The following ALPL variants were observed in gnomAD, a reference collection of about 807,000 sequenced individuals.
ALPL encodes the protein alkaline phosphatase, biomineralization associated.
A neutral mutation model predicts 51.3 loss-of-function variants in ALPL; 42 were observed. That is an observed-to-expected ratio of 0.82 (90% CI 0.64 to 1.06). The LOEUF (loss-of-function observed/expected upper bound fraction) is 1.06, where lower values mean the gene tolerates loss of function less well. Among genes scored for constraint, ALPL ranks in the 50% least tolerant of loss-of-function variants. The pLI, the probability that ALPL is intolerant of heterozygous loss-of-function variation, is 0.00. For missense variants in ALPL, 589 were observed against 709.4 expected (o/e 0.83, Z 1.93); for synonymous variants, 279 against 296.4 (o/e 0.94, Z 0.60).
At chr1:21,518,115 G>A (rs539088285) in intron 1 of ALPL, among the ~76,000 whole-genome samples, 5 of 152,130 alleles carry the variant, frequency 3.3e-5, no homozygotes, top group Non-Finnish European at 5.9e-5. Flanking sequence ...TGTGGGGTAG[G>A]AACCTTTTAT....
At chr1:21,527,413 T>C (rs992739895) in intron 1 of ALPL, among the ~76,000 whole-genome samples, 25 of 152,218 alleles carry the variant, frequency 1.6e-4, no homozygotes, top group Admixed American at 1.6e-3. Context: ...TCAGATATCT[T>C]GAATACAATC....
At chr1:21,549,758 T>G (rs1169827841) in intron 1 of ALPL, among the ~76,000 whole-genome samples, 1 of 152,184 alleles carries the variant, frequency 6.6e-6, no homozygotes, top group Non-Finnish European at 1.5e-5. Context: ...CCATCGCACT[T>G]GGCTCGGTAG....
intron 6 of ALPL, 133 bp from the exon 7 acceptor site, chr1:21,567,971 G>T (rs1370650411): frequency 2.5e-6 from 3 of 1,218,562 alleles, no homozygotes; most frequent in Admixed American, 1.8e-5. Flanking sequence ...GATGACTGAG[G>T]CCTGGCTCAC....
chr1:21,526,051 C>T (rs1643937219), intron 1 of ALPL, among the ~76,000 whole-genome samples: 1 of 152,116 alleles, frequency 6.6e-6, no homozygotes, highest in South Asian at 2.1e-4. Flanking sequence ...CCCACAGAGC[C>T]CTAGGTGGTA....
chr1:21,509,119 C>A (rs1643626332), upstream of ALPL, among the ~76,000 whole-genome samples: 1 of 152,036 alleles, frequency 6.6e-6, no homozygotes, highest in Non-Finnish European at 1.5e-5. The surrounding 1 kb of genome is among the most constrained non-coding windows in gnomAD (Gnocchi z 6.0). Flanking sequence ...CAGGTCAGAG[C>A]CCAGGCTCGC....
chr1:21,541,140 G>T (rs1644178694), intron 1 of ALPL, among the ~76,000 whole-genome samples: 1 of 152,090 alleles, frequency 6.6e-6, no homozygotes, highest in Non-Finnish European at 1.5e-5. Context: ...GCGGGGAAGG[G>T]TCCATCCGTT....
At chr1:21,531,339 C>G (rs1369795078) in intron 1 of ALPL, among the ~76,000 whole-genome samples, 2 of 152,228 alleles carry the variant, frequency 1.3e-5, no homozygotes, top group African/African-American at 4.8e-5. Flanking sequence ...AGCGAGCCTC[C>G]TGCCTTGGCT....
chr1:21,551,143 A>C (rs1467162504), intron 1 of ALPL: 3 of 152,158 alleles, frequency 2.0e-5, no homozygotes, highest in Non-Finnish European at 4.4e-5. Context: ...TCCTGCACAC[A>C]CAGAGAAGAT....
intron 1 of ALPL, among the ~76,000 whole-genome samples, chr1:21,550,724 C>T (rs1644310153): frequency 6.6e-6 from 1 of 152,184 alleles, no homozygotes; most frequent in African/African-American, 2.4e-5. Flanking sequence ...GTGGAGCCTC[C>T]GTTCTGTCTC....
rs1161988233 is a variant in ALPL at position 21,509,542 on chromosome 1, C to G, written c.-105+25C>G. 2 of 152,230 alleles carry G rather than the reference C, an allele frequency of 1.3e-5. No homozygotes were observed. Among genetic ancestry groups the G allele is most frequent in the African/African-American group, 2.4e-5 (1 of 41,448 alleles). The allele number at this position is 152,230 out of a possible 1,614,324, so 9.4% of individuals were successfully genotyped here. The stretch of plus-strand genomic sequence containing the variant: ...GGTAAGGATTCGACGCTGCCCCGCG[C>G]CCTGGTTCCCCAGGGCCCCAGCGGA... On this transcript the variant is annotated intron_variant, in intron 1 of 11. Transcript: ENST00000374840. This position sits in a 1 kb window ranked among gnomAD's most constrained non-coding sequence, Gnocchi z 6.0.
In ALPL at chr1:21,530,331, A is replaced by C. The variant is rs58625900; in HGVS notation, c.-105+20814A>C. On this transcript the variant is annotated intron_variant, in intron 1 of 11. Transcript: ENST00000374840. ...GATGATTCCAGCGGTATCTCTAATC[A>C]GTTTGGGTTTCTTTTGAAGTCATTG... 9.8e-3 allele frequency among the ~76,000 whole-genome samples: 1,490 copies of C among 152,222 alleles called. 20 individuals carry two copies. The highest frequency in any genetic ancestry group is 0.033 in the African/African-American group (1,380 of 41,536).
chr1:21,533,789 C>G (rs79009615), intron 1 of ALPL, among the ~76,000 whole-genome samples: 21,176 of 151,644 alleles, frequency 0.14, 1,948 homozygotes, highest in East Asian at 0.48. Context: ...CAGGTGTGGT[C>G]GTGGGCGCCT....
At chr1:21,527,813 G>A (rs1643968774) in intron 1 of ALPL, among the ~76,000 whole-genome samples, 1 of 151,758 alleles carries the variant, frequency 6.6e-6, no homozygotes, top group Non-Finnish European at 1.5e-5. Flanking sequence ...GCCTCCCAAA[G>A]TGCTAGGATT....
chr1:21,574,356 G>A (rs1301880977), intron 9 of ALPL: 6 of 262,394 alleles, frequency 2.3e-5, no homozygotes, highest in Non-Finnish European at 3.0e-5. Flanking sequence ...TACTTGGAAC[G>A]GGGCCCAGTA....
chr1:21,576,682 C>A lies in ALPL; in HGVS notation c.1309+41C>A, dbSNP rs201704925. The stretch of plus-strand genomic sequence containing the variant: ...CCCAGGGCTGGGAGGGGACAGGGCA[C>A]CCCTCGGGGATGGGCTTGGGAATAG... On this transcript the variant is annotated intron_variant, in intron 11 of 11. Coordinates refer to ENST00000374840, the MANE Select transcript of ALPL (RefSeq NM_000478.6). 5.0e-6 allele frequency: 8 copies of A among 1,611,764 alleles called. No individual in the cohort carries two copies. In the East Asian group the frequency reaches 1.6e-4, roughly 32 times the overall value.
intron 1 of ALPL, among the ~76,000 whole-genome samples, chr1:21,522,424 A>G (rs570521864): frequency 1.3e-5 from 2 of 152,254 alleles, no homozygotes; most frequent in African/African-American, 2.4e-5. Flanking sequence ...AGCAGCTCAC[A>G]TGTATTTTTT....
intron 1 of ALPL, among the ~76,000 whole-genome samples, chr1:21,534,200 T>C (rs2148096416): frequency 6.6e-6 from 1 of 152,288 alleles, no homozygotes; most frequent in Non-Finnish European, 1.5e-5. Context: ...GGTCTTGAAA[T>C]CCTGGGCTCA....
chr1:21,573,876 A>C (rs1280465658), intron 9 of ALPL, 77 bp downstream of exon 9: 29 of 1,604,418 alleles, frequency 1.8e-5, no homozygotes, highest in African/African-American at 2.7e-5. Context: ...TCCAGCTCTT[A>C]AAGGGAACTG....
intron 1 of ALPL, among the ~76,000 whole-genome samples, chr1:21,519,304 G>C (rs1643858903): frequency 6.6e-6 from 1 of 152,252 alleles, no homozygotes; most frequent in South Asian, 2.1e-4. Flanking sequence ...GTCTAGCTTA[G>C]TTCCTCCTGC....
Sources: gnomAD v4.1 joint callset for allele counts (sites outside exome capture counted in the v4.1 genomes callset) on GRCh38, gnomAD v4.1.1 for gene constraint, Gnocchi (gnomAD v3.1) non-coding constraint, MANE v1.5 for transcripts, NCBI Gene and HGNC (gene_info 2026-07-23, HGNC 2026-07-21) for gene names.